UBE2E2: variants seen among roughly 807,000 people sequenced by gnomAD.
UBE2E2 encodes ubiquitin conjugating enzyme E2 E2.
A neutral mutation model predicts 24.7 loss-of-function variants in UBE2E2; 6 were observed. The observed-to-expected ratio is 0.24, with a 90% CI of 0.13 to 0.48. The LOEUF is 0.48. UBE2E2 is among the 20% of genes least tolerant of loss of function. The pLI is 0.99. For synonymous variants in UBE2E2, 104 were observed against 83.6 expected (o/e 1.24, Z -1.33); for missense variants, 169 against 245.0 (o/e 0.69, Z 2.07).
intron 3 of UBE2E2, among the ~76,000 whole-genome samples, chr3:23,479,316 C>G (rs1699203826): frequency 6.6e-6 from 1 of 152,190 alleles, no homozygotes; most frequent in Non-Finnish European, 1.5e-5. Context: ...CCATGCAAGA[C>G]TGTGGCTAGA....
At chr3:23,492,582 G>T (rs7646541) in intron 3 of UBE2E2, among the ~76,000 whole-genome samples, 1 of 151,976 alleles carries the variant, frequency 6.6e-6, no homozygotes, top group Non-Finnish European at 1.5e-5. Flanking sequence ...ACCATTAAAA[G>T]TTTATTTTCA....
At position 23,208,849 on chromosome 3, in the gene UBE2E2, T is replaced by A. The variant is rs1198551503; in HGVS notation, c.150T>A (p.Ala50=). The change falls in exon 2 of 6, where the codon GCT becomes GCA. Residue 50 remains alanine, a synonymous_variant. Coordinates refer to ENST00000396703, the MANE Select transcript of UBE2E2 (RefSeq NM_152653.4). ...AGGGAAAAATATCCAGCAAAACCGC[T>A]GCTAAATTGTCAACTAGTGCTAAAA... is the stretch of plus-strand genomic sequence containing the variant. ...KKEGKISSKT[A]AKLSTSAKRI... 1.2e-6 allele frequency: 2 copies of A among 1,613,000 alleles called. No individual in the cohort carries two copies. The highest frequency in any genetic ancestry group is 1.7e-6 in the Non-Finnish European group (2 of 1,179,556).
At chr3:23,204,752 T>G (rs1696099697) in intron 1 of UBE2E2, 2 of 985,438 alleles carry the variant, frequency 2.0e-6, no homozygotes, top group Non-Finnish European at 2.4e-6. Context: ...GCAGTTAAAT[T>G]TAAAGCTGGA....
intron 3 of UBE2E2, among the ~76,000 whole-genome samples, chr3:23,409,656 A>G (rs752493207): frequency 2.6e-5 from 4 of 152,194 alleles, no homozygotes; most frequent in Non-Finnish European, 5.9e-5. Context: ...GCTGTAACAA[A>G]TTACACAAAA....
intron 3 of UBE2E2, among the ~76,000 whole-genome samples, chr3:23,291,901 C>G (rs1171302305): frequency 7.2e-6 from 1 of 138,126 alleles, no homozygotes; most frequent in African/African-American, 2.7e-5. Flanking sequence ...CTCTTTGGCC[C>G]AGGCCAGAGT....
At chr3:23,380,548 C>A (rs2125349943) in intron 3 of UBE2E2, among the ~76,000 whole-genome samples, 1 of 152,182 alleles carries the variant, frequency 6.6e-6, no homozygotes, top group East Asian at 1.9e-4. Context: ...TAGCAGGCCT[C>A]CCTGCCCTAT....
At chr3:23,401,638 T>C (rs1196321307) in intron 3 of UBE2E2, among the ~76,000 whole-genome samples, 1 of 152,104 alleles carries the variant, frequency 6.6e-6, no homozygotes, top group African/African-American at 2.4e-5. Flanking sequence ...TTCAATTATA[T>C]TGGTCCTGGG....
At chr3:23,330,205 G>C (rs1223890158) in intron 3 of UBE2E2, among the ~76,000 whole-genome samples, 1 of 152,142 alleles carries the variant, frequency 6.6e-6, no homozygotes, top group African/African-American at 2.4e-5. Flanking sequence ...AATAAAGTTG[G>C]TCTGTAAATA....
intron 3 of UBE2E2, among the ~76,000 whole-genome samples, chr3:23,477,054 T>A (rs1427474822): frequency 2.0e-5 from 3 of 152,124 alleles, no homozygotes; most frequent in African/African-American, 7.3e-5. Flanking sequence ...AAATTTTACA[T>A]TGTGAATACT....
intron 3 of UBE2E2, among the ~76,000 whole-genome samples, chr3:23,439,032 A>C (rs185431584): frequency 6.6e-6 from 1 of 152,338 alleles, no homozygotes; most frequent in East Asian, 1.9e-4. Flanking sequence ...CCCCTAAGTA[A>C]TTGAGTGATC....
intron 3 of UBE2E2, among the ~76,000 whole-genome samples, chr3:23,353,012 A>G (rs1405723829): frequency 1.3e-5 from 2 of 152,236 alleles, no homozygotes; most frequent in Non-Finnish European, 2.9e-5. Flanking sequence ...CGAATCCAGC[A>G]GCACATCAAA....
At chr3:23,580,204 G>T (rs1470297086) in intron 5 of UBE2E2, among the ~76,000 whole-genome samples, 1 of 152,184 alleles carries the variant, frequency 6.6e-6, no homozygotes. Context: ...GCTTGATTCC[G>T]ATTTTGAAAG....
At chr3:23,557,741 A>C (rs1328840721) in intron 5 of UBE2E2, among the ~76,000 whole-genome samples, 1 of 152,182 alleles carries the variant, frequency 6.6e-6, no homozygotes, top group Non-Finnish European at 1.5e-5. Context: ...CCCCATCATT[A>C]ACTTACTTTT....
chr3:23,315,372 A>G (rs1694544807), intron 3 of UBE2E2, among the ~76,000 whole-genome samples: 2 of 150,708 alleles, frequency 1.3e-5, no homozygotes. Context: ...CAAGCTCACC[A>G]AATCTTGCTT....
intron 3 of UBE2E2, among the ~76,000 whole-genome samples, chr3:23,245,558 C>T (rs1697373355): frequency 6.6e-6 from 1 of 152,084 alleles, no homozygotes; most frequent in Admixed American, 6.5e-5. Context: ...TTAAATACTA[C>T]AACTAAACTT....
At chr3:23,213,922 G>A (rs1377222682) in intron 2 of UBE2E2, among the ~76,000 whole-genome samples, 2 of 152,088 alleles carry the variant, frequency 1.3e-5, no homozygotes, top group Admixed American at 1.3e-4. Context: ...GACAGTGCCT[G>A]AAATAGGTAC....
At chr3:23,503,153 T>G (rs902360579) in intron 4 of UBE2E2, among the ~76,000 whole-genome samples, 1 of 150,184 alleles carries the variant, frequency 6.7e-6, no homozygotes, top group Non-Finnish European at 1.5e-5. Context: ...TTTTTGGGGT[T>G]TTTTTTTTGT....
chr3:23,332,677 GT>G (rs1559350727), intron 3 of UBE2E2, among the ~76,000 whole-genome samples: 1,332 of 26,746 alleles, frequency 0.05, 25 homozygotes, highest in Middle Eastern at 0.094. Flanking sequence ...CCAGTGGGGT[GT>G]GTGTGTGTGT....
chr3:23,205,366 T>G (rs1696119673), intron 1 of UBE2E2, among the ~76,000 whole-genome samples: 1 of 152,216 alleles, frequency 6.6e-6, no homozygotes, highest in African/African-American at 2.4e-5. Flanking sequence ...ATTTAGAAGA[T>G]AATGTTTAAA....
Sources: allele counts gnomAD v4.1 joint callset (sites outside exome capture counted in the v4.1 genomes callset), GRCh38; gene constraint gnomAD v4.1.1; transcripts MANE v1.5; gene names NCBI Gene and HGNC (gene_info 2026-07-23, HGNC 2026-07-21).